Variants in RAB38 observed in about 807,000 individuals in gnomAD.
The protein encoded by RAB38 is ras-related protein Rab-38.
A neutral mutation model predicts 18.4 loss-of-function variants in RAB38; 15 were observed. The observed-to-expected ratio is 0.82, with a 90% confidence interval of 0.55 to 1.26. The LOEUF (loss-of-function observed/expected upper bound fraction) is 1.26. Ranked by LOEUF, RAB38 falls within the 50% of genes most tolerant of loss-of-function variation. RAB38 has a pLI of 0.00. For synonymous variants in RAB38, 101 were observed against 104.4 expected (o/e 0.97, Z 0.20); for missense variants, 294 against 267.4 (o/e 1.10, Z -0.69).
At chr11:88,135,934 TC>T (rs1942829642) in intron 2 of RAB38, among the ~76,000 whole-genome samples, 1 of 152,178 alleles carries the variant, frequency 6.6e-6, no homozygotes, top group African/African-American at 2.4e-5. Context: ...ACTAGAAAAT[TC>T]AAAGTGACTG....
chr11:88,095,561 C>T, the RAB38 span, among the ~76,000 whole-genome samples: 1 of 151,812 alleles, frequency 6.6e-6, no homozygotes, highest in South Asian at 2.1e-4. Context: ...TTTGAGTACC[C>T]CAGAAGTCAA....
At chr11:88,046,738 C>T in the RAB38 span, among the ~76,000 whole-genome samples, 1 of 152,174 alleles carries the variant, frequency 6.6e-6, no homozygotes, top group Non-Finnish European at 1.5e-5. Flanking sequence ...TGGATACTTT[C>T]AACTTTAGAT....
the RAB38 span, among the ~76,000 whole-genome samples, chr11:87,960,379 C>CAAAA: frequency 3.7e-4 from 42 of 113,062 alleles, 1 homozygote; most frequent in African/African-American, 1.2e-3. Context: ...TGGAAGACAA[C>CAAAA]AAAAAAAAGA....
chr11:87,871,390 C>T, the RAB38 span, among the ~76,000 whole-genome samples: 15 of 151,576 alleles, frequency 9.9e-5, no homozygotes, highest in Non-Finnish European at 2.1e-4. Flanking sequence ...AACAAATTCT[C>T]AAATATATGT....
the RAB38 span, among the ~76,000 whole-genome samples, chr11:87,915,524 T>C: frequency 4.6e-5 from 7 of 152,090 alleles, no homozygotes; most frequent in African/African-American, 1.7e-4. Flanking sequence ...ACAGATGTCA[T>C]GGCAATGTCA....
At chr11:87,878,222 T>TATATATATATATATATATATATAC in the RAB38 span, among the ~76,000 whole-genome samples, 20 of 116,192 alleles carry the variant, frequency 1.7e-4, 1 homozygote, top group African/African-American at 4.0e-4. Context: ...TATATATATA[T>TATATATATATATATATATATATAC]ACACACATAT....
the RAB38 span, among the ~76,000 whole-genome samples, chr11:87,844,480 T>C: frequency 6.6e-6 from 1 of 152,146 alleles, no homozygotes; most frequent in South Asian, 2.1e-4. Flanking sequence ...GAGGCACAGA[T>C]AGATTAATTT....
chr11:88,116,154 G>A (rs887636717), intron 2 of RAB38, among the ~76,000 whole-genome samples: 13 of 152,168 alleles, frequency 8.5e-5, no homozygotes, highest in African/African-American at 1.9e-4. Context: ...ACCTAGGCAG[G>A]GCCTTGCTTT....
the RAB38 span, among the ~76,000 whole-genome samples, chr11:87,882,036 T>C: frequency 6.6e-6 from 1 of 151,850 alleles, no homozygotes; most frequent in Non-Finnish European, 1.5e-5. Flanking sequence ...ACAGTTATTG[T>C]CAGAAGCTGC....
the RAB38 span, among the ~76,000 whole-genome samples, chr11:88,038,941 T>C: frequency 6.6e-6 from 1 of 152,246 alleles, no homozygotes; most frequent in Admixed American, 6.5e-5. Context: ...TATGCTATGC[T>C]TTGTGGTTGT....
chr11:88,029,315 CA>C, the RAB38 span, among the ~76,000 whole-genome samples: 1 of 151,482 alleles, frequency 6.6e-6, no homozygotes, highest in Non-Finnish European at 1.5e-5. Flanking sequence ...GAAGAAACTG[CA>C]TCAACTAACG....
the RAB38 span, among the ~76,000 whole-genome samples, chr11:87,921,557 T>C: frequency 6.7e-6 from 1 of 148,206 alleles, no homozygotes; most frequent in Non-Finnish European, 1.5e-5. Context: ...ATATATAAAA[T>C]ATTATATATA....
chr11:87,855,263 T>G, the RAB38 span, among the ~76,000 whole-genome samples: 4 of 152,204 alleles, frequency 2.6e-5, no homozygotes, highest in Non-Finnish European at 5.9e-5. Context: ...AAACTTTTCA[T>G]GATTTGTTCA....
the RAB38 span, among the ~76,000 whole-genome samples, chr11:88,043,722 G>A: frequency 4.6e-5 from 7 of 151,048 alleles, no homozygotes; most frequent in African/African-American, 1.2e-4. Flanking sequence ...GACTCAGCCC[G>A]CCTGCACCCA....
At chr11:87,854,659 C>T in the RAB38 span, among the ~76,000 whole-genome samples, 1 of 152,044 alleles carries the variant, frequency 6.6e-6, no homozygotes, top group Non-Finnish European at 1.5e-5. Context: ...ATGAAAAACA[C>T]CAGAATTAAT....
the RAB38 span, among the ~76,000 whole-genome samples, chr11:88,081,782 G>T: frequency 6.6e-6 from 1 of 151,822 alleles, no homozygotes; most frequent in Non-Finnish European, 1.5e-5. Flanking sequence ...TGAAGTTCCA[G>T]GTGGACATAC....
chr11:88,084,555 G>T, the RAB38 span, among the ~76,000 whole-genome samples: 2 of 151,762 alleles, frequency 1.3e-5, no homozygotes, highest in Non-Finnish European at 2.9e-5. Flanking sequence ...TTGTCGAAAA[G>T]ATCTCTGCAT....
the RAB38 span, among the ~76,000 whole-genome samples, chr11:88,092,347 G>GGAGGGAGAGA: frequency 3.5e-5 from 2 of 57,236 alleles, 1 homozygote; most frequent in Non-Finnish European, 7.0e-5. Flanking sequence ...AGAGAGAGAG[G>GGAGGGAGAGA]GAGGGAGAGA....
the RAB38 span, among the ~76,000 whole-genome samples, chr11:87,944,988 G>T: frequency 6.6e-6 from 1 of 152,128 alleles, no homozygotes; most frequent in African/African-American, 2.4e-5. Context: ...CTGCTTTAAT[G>T]ACTCTCTTCT....
Sources: allele counts gnomAD v4.1 joint callset (sites outside exome capture counted in the v4.1 genomes callset), GRCh38; gene constraint gnomAD v4.1.1; transcripts MANE v1.5; gene names NCBI Gene and HGNC (gene_info 2026-07-23, HGNC 2026-07-21).